The following COL25A1 variants were observed in gnomAD, a reference collection of about 807,000 sequenced individuals.
COL25A1 encodes collagen type XXV alpha 1 chain.
Under a neutral mutation model 128.4 loss-of-function variants are expected in COL25A1, and 103 were observed. That is an observed-to-expected ratio of 0.80 (90% CI 0.68 to 0.94). The LOEUF is 0.94. Among genes scored for constraint, COL25A1 ranks in the 40% least tolerant of loss-of-function variants. The pLI is 0.00. For synonymous variants in COL25A1, 279 were observed against 277.2 expected (o/e 1.01, Z -0.06); for missense variants, 745 against 840.0 (o/e 0.89, Z 1.40).
intron 5 of COL25A1, among the ~76,000 whole-genome samples, chr4:109,035,983 A>G (rs1399247757): frequency 6.6e-6 from 1 of 152,068 alleles, no homozygotes; most frequent in East Asian, 1.9e-4. Context: ...GCTGGAGTGC[A>G]GTGGCGTGAT....
chr4:109,112,274 G>A (rs754238459), intron 3 of COL25A1, among the ~76,000 whole-genome samples: 1 of 152,070 alleles, frequency 6.6e-6, no homozygotes, highest in Non-Finnish European at 1.5e-5. Flanking sequence ...CCAACATTCT[G>A]AGGTGATTTA....
intron 3 of COL25A1, among the ~76,000 whole-genome samples, chr4:109,198,819 T>C (rs551576025): frequency 8.5e-5 from 13 of 152,354 alleles, no homozygotes; most frequent in Admixed American, 5.2e-4. Context: ...ACTTCTAATA[T>C]GTACATTTGT....
intron 6 of COL25A1, among the ~76,000 whole-genome samples, chr4:108,979,225 A>G (rs979277151): frequency 1.4e-4 from 21 of 152,190 alleles, no homozygotes; most frequent in African/African-American, 4.6e-4. Context: ...GCCTATACCA[A>G]TTTAAGTCTC....
chr4:109,040,703 G>A (rs1355886001), intron 5 of COL25A1, among the ~76,000 whole-genome samples: 1 of 152,148 alleles, frequency 6.6e-6, no homozygotes. Flanking sequence ...ACAGGAAGCA[G>A]TGACATGACA....
intron 3 of COL25A1, among the ~76,000 whole-genome samples, chr4:109,212,263 T>C (rs1777626799): frequency 6.6e-6 from 1 of 152,138 alleles, no homozygotes; most frequent in Non-Finnish European, 1.5e-5. Flanking sequence ...TTTCAGTCAT[T>C]TGAAGCCTTA....
intron 6 of COL25A1, among the ~76,000 whole-genome samples, chr4:108,986,632 A>G (rs1753693510): frequency 6.6e-6 from 1 of 152,212 alleles, no homozygotes; most frequent in South Asian, 2.1e-4. Context: ...CAATAAGGGG[A>G]AGGAAGACCA....
In COL25A1 at chr4:108,813,702, G is replaced by C; in HGVS notation, c.*225C>G. ...AAATACGTATCTTCACATAAGATAA[G>C]GAGATACTGATCTATATTTTTTGCA... On this transcript the variant is annotated 3_prime_UTR_variant, in exon 38 of 38. Coordinates refer to ENST00000399132, the MANE Select transcript of COL25A1 (RefSeq NM_198721.4). 4.0e-6 allele frequency: 2 copies of C among 497,810 alleles called. No individual in the cohort carries two copies. Among genetic ancestry groups the C allele is most frequent in the East Asian group, 3.3e-5 (1 of 30,710 alleles). The allele number at this position is 497,810 out of a possible 1,614,324, so 30.8% of individuals were successfully genotyped here. A position where few individuals can be genotyped will look rare whatever the true frequency, so the allele number is the denominator to read the frequency against.
chr4:108,964,141 T>C (rs1182780529), intron 8 of COL25A1, among the ~76,000 whole-genome samples: 6 of 150,560 alleles, frequency 4.0e-5, no homozygotes, highest in Admixed American at 3.3e-4. Context: ...TTAATTAAAA[T>C]AAATAATGTA....
intron 11 of COL25A1, among the ~76,000 whole-genome samples, chr4:108,924,988 T>C (rs1745887106): frequency 6.6e-6 from 1 of 152,208 alleles, no homozygotes; most frequent in African/African-American, 2.4e-5. Flanking sequence ...TTTCCAACAA[T>C]AATCATAATT....
intron 3 of COL25A1, among the ~76,000 whole-genome samples, chr4:109,199,737 G>C (rs891546950): frequency 6.6e-6 from 1 of 152,136 alleles, no homozygotes; most frequent in Non-Finnish European, 1.5e-5. Context: ...AAGCCAGCAT[G>C]GTCATGGGAC....
chr4:109,105,579 A>T (rs991920394), intron 3 of COL25A1, among the ~76,000 whole-genome samples: 15 of 149,426 alleles, frequency 1.0e-4, no homozygotes, highest in Non-Finnish European at 1.6e-4. Flanking sequence ...AGTTCATTAA[A>T]TAATCTTGTT....
intron 13 of COL25A1, among the ~76,000 whole-genome samples, chr4:108,910,749 C>T (rs1252945265): frequency 1.3e-5 from 2 of 152,150 alleles, no homozygotes; most frequent in Admixed American, 6.6e-5. Flanking sequence ...AATCATAGTG[C>T]CTATTTCATA....
rs78456932 is a variant in COL25A1, at chr4:108,824,715, C to A, written c.1791+481G>T. On this transcript the variant is annotated intron_variant, in intron 34 of 37. Coordinates refer to ENST00000399132, the MANE Select transcript of COL25A1 (RefSeq NM_198721.4). ...CATTATTCAGGTAATACAGGATGAGCAGTGATTGTGTCTAGAGGCATTTAC... is the reference window on the plus strand; with the variant it reads ...CATTATTCAGGTAATACAGGATGAGAAGTGATTGTGTCTAGAGGCATTTAC... Among the ~76,000 whole-genome samples the A allele has an allele frequency of 1.1e-3, 171 of 152,186 alleles. 2 individuals are homozygous for A. The East Asian group carries it at 0.028, about 25-fold the overall frequency.
chr4:109,139,120 A>G (rs906768272), intron 3 of COL25A1, among the ~76,000 whole-genome samples: 3 of 151,872 alleles, frequency 2.0e-5, no homozygotes, highest in Non-Finnish European at 4.4e-5. Context: ...AAAAGAAGAC[A>G]TTTGTCTTCT....
chr4:109,182,356 T>C lies in COL25A1; in HGVS notation c.367+118227A>G, dbSNP rs115888839. Among the ~76,000 whole-genome samples the C allele has an allele frequency of 3.0e-3, 460 of 152,252 alleles. 4 individuals are homozygous for C. The highest frequency in any genetic ancestry group is 6.8e-3 in the Middle Eastern group (2 of 294). On this transcript the variant is annotated intron_variant, in intron 3 of 37. Coordinates refer to ENST00000399132, the MANE Select transcript of COL25A1 (RefSeq NM_198721.4). ...TACCATTTTCATGGCTGTTTGTTAT[T>C]GTTTTCAATTGTGTAAAGAACAGAG... is the stretch of plus-strand genomic sequence containing the variant.
intron 18 of COL25A1, among the ~76,000 whole-genome samples, chr4:108,885,888 G>A (rs528202335): frequency 2.6e-5 from 4 of 152,184 alleles, no homozygotes; most frequent in East Asian, 3.9e-4. Context: ...GGGTGTTCTC[G>A]TCACCTCTTT....
At chr4:109,117,743 A>G (rs1438231742) in intron 3 of COL25A1, among the ~76,000 whole-genome samples, 1 of 151,990 alleles carries the variant, frequency 6.6e-6, no homozygotes, top group Non-Finnish European at 1.5e-5. Flanking sequence ...GACAGCAATG[A>G]TACAAGAGAT....
intron 3 of COL25A1, among the ~76,000 whole-genome samples, chr4:109,095,112 T>C (rs1374252512): frequency 6.6e-6 from 1 of 152,212 alleles, no homozygotes; most frequent in Non-Finnish European, 1.5e-5. Flanking sequence ...ACTGAAAAGT[T>C]CAAGCACATG....
chr4:108,885,935 A>C (rs948793686), intron 18 of COL25A1, among the ~76,000 whole-genome samples: 2 of 152,210 alleles, frequency 1.3e-5, no homozygotes. Context: ...TGATTACTTT[A>C]AAGAAAGATA....
Sources: gnomAD v4.1 joint callset for allele counts (sites outside exome capture counted in the v4.1 genomes callset) on GRCh38, gnomAD v4.1.1 for gene constraint, MANE v1.5 for transcripts, NCBI Gene and HGNC (gene_info 2026-07-23, HGNC 2026-07-21) for gene names.